Variants in KAZN observed in about 807,000 individuals in gnomAD.
KAZN encodes kazrin.
A neutral mutation model predicts 87.4 loss-of-function variants in KAZN; 40 were observed. That is an observed-to-expected ratio of 0.46 (90% CI 0.36 to 0.60). The LOEUF (loss-of-function observed/expected upper bound fraction) is 0.60, where lower values mean the gene tolerates loss of function less well. KAZN is among the 20% of genes least tolerant of loss of function. The probability of loss-of-function intolerance (pLI) is 0.00; values close to 1 mark genes in which losing one functional copy is unlikely to be tolerated. For missense variants in KAZN, 898 were observed against 1,073.9 expected, an observed-to-expected ratio of 0.84 and a Z score of 2.29; for synonymous variants, 466 against 458.3, an observed-to-expected ratio of 1.02 and a Z score of -0.22.
intron 2 of KAZN, among the ~76,000 whole-genome samples, chr1:15,011,385 C>T (rs564214368): frequency 1.3e-5 from 2 of 152,288 alleles, no homozygotes; most frequent in East Asian, 1.9e-4. Flanking sequence ...ATCCCAGCTC[C>T]GAAGGCACAG....
intron 2 of KAZN, among the ~76,000 whole-genome samples, chr1:14,366,640 C>G (rs747744043): frequency 6.6e-6 from 1 of 152,134 alleles, no homozygotes. Flanking sequence ...TGTGTGCCAG[C>G]GGGAAGAAAC....
At chr1:14,211,822 G>A (rs918843155) in intron 2 of KAZN, among the ~76,000 whole-genome samples, 5 of 151,868 alleles carry the variant, frequency 3.3e-5, no homozygotes, top group African/African-American at 1.2e-4. Flanking sequence ...TTAACCCCAA[G>A]CTTTTTTTTT....
intron 1 of KAZN, among the ~76,000 whole-genome samples, chr1:14,839,360 G>T (rs753214719): frequency 1.3e-5 from 2 of 152,130 alleles, no homozygotes; most frequent in Non-Finnish European, 2.9e-5. Context: ...TCACTGTGAG[G>T]ATTAAGTTAG....
At chr1:14,282,118 A>G (rs1375009603) in intron 2 of KAZN, among the ~76,000 whole-genome samples, 3 of 152,226 alleles carry the variant, frequency 2.0e-5, no homozygotes, top group African/African-American at 4.8e-5. Context: ...AAAGATAAAA[A>G]TATTTGACAT....
chr1:13,966,973 C>T (rs1330706409), intron 1 of KAZN, among the ~76,000 whole-genome samples: 3 of 152,130 alleles, frequency 2.0e-5, no homozygotes, highest in Non-Finnish European at 2.9e-5. Flanking sequence ...TAAATCACTG[C>T]GTTCTACTGT....
intron 1 of KAZN, among the ~76,000 whole-genome samples, chr1:14,059,690 A>G (rs969099781): frequency 2.6e-5 from 4 of 152,208 alleles, no homozygotes; most frequent in African/African-American, 7.2e-5. Context: ...TAACCATCAC[A>G]TCTAGATATT....
chr1:14,671,144 A>T (rs922626418), intron 1 of KAZN, among the ~76,000 whole-genome samples: 11 of 152,210 alleles, frequency 7.2e-5, no homozygotes, highest in African/African-American at 2.4e-4. Flanking sequence ...AGGAGGGGGT[A>T]CTTAAATGAG....
In KAZN at chr1:13,920,962, G is replaced by A. The variant is rs1570281054; in HGVS notation, c.91+27206G>A. Among the ~76,000 whole-genome samples the A allele has an allele frequency of 4.6e-5, 7 of 152,232 alleles. No homozygotes were observed. The South Asian group carries it at 1.5e-3, about 32-fold the overall frequency. On this transcript the variant is annotated intron_variant, in intron 1 of 16. Coordinates refer to the KAZN transcript ENST00000636203. ...TCACTTGTCAGATGTACAGCTCAGA[G>A]GAATGTGCACATAGCATCTGGAAAG...
At chr1:14,436,118 A>G (rs1205680590) in intron 2 of KAZN, among the ~76,000 whole-genome samples, 1 of 152,084 alleles carries the variant, frequency 6.6e-6, no homozygotes, top group Non-Finnish European at 1.5e-5. Flanking sequence ...AATCCCAGCT[A>G]CTTGGGAGGC....
At chr1:14,086,185 T>TTTTGG (rs963046987) in intron 1 of KAZN, among the ~76,000 whole-genome samples, 7 of 140,052 alleles carry the variant, frequency 5.0e-5, no homozygotes, top group Non-Finnish European at 1.6e-5. Flanking sequence ...AAATATTTTA[T>TTTTGG]TTTGGTTTGG....
At chr1:14,230,577 G>A (rs1461521696) in intron 2 of KAZN, among the ~76,000 whole-genome samples, 1 of 152,106 alleles carries the variant, frequency 6.6e-6, no homozygotes, top group Non-Finnish European at 1.5e-5. Context: ...TTCCTCTATA[G>A]CTTGTTGGAA....
intron 4 of KAZN, among the ~76,000 whole-genome samples, chr1:15,055,026 G>T (rs758353555): frequency 1.8e-4 from 27 of 152,146 alleles, no homozygotes; most frequent in Non-Finnish European, 3.4e-4. Context: ...TCTGCAGAAG[G>T]TGCACATGGC....
At chr1:15,101,479 C>A in intron 10 of KAZN, 64 bp from the exon 11 acceptor site, 2 of 1,116,886 alleles carry the variant, frequency 1.8e-6, no homozygotes, top group Non-Finnish European at 2.6e-6. Flanking sequence ...CCCATTTCTG[C>A]CCGTCCGTCT....
intron 1 of KAZN, among the ~76,000 whole-genome samples, chr1:14,165,065 T>A (rs950274634): frequency 6.6e-6 from 1 of 152,194 alleles, no homozygotes; most frequent in Non-Finnish European, 1.5e-5. Flanking sequence ...AAATTTTCTA[T>A]CTCGATGACA....
At chr1:15,048,741 A>C (rs564454446) in intron 4 of KAZN, among the ~76,000 whole-genome samples, 1 of 97,580 alleles carries the variant, frequency 1.0e-5, no homozygotes, top group Admixed American at 1.0e-4. Context: ...TGGGTCGTCG[A>C]TCCTGGGTCG....
chr1:14,236,330 A>C (rs1397088921), intron 2 of KAZN, among the ~76,000 whole-genome samples: 4 of 152,170 alleles, frequency 2.6e-5, no homozygotes, highest in Non-Finnish European at 4.4e-5. Flanking sequence ...CTGAGATGGA[A>C]GGGAGGGTTT....
chr1:14,585,713 A>G (rs1675813021), intron 2 of KAZN, among the ~76,000 whole-genome samples: 1 of 152,224 alleles, frequency 6.6e-6, no homozygotes, highest in Non-Finnish European at 1.5e-5. Flanking sequence ...GGAAGGAGTG[A>G]GGAATGACAA....
At chr1:14,720,442 T>A (rs1187740685) in intron 1 of KAZN, among the ~76,000 whole-genome samples, 1 of 152,178 alleles carries the variant, frequency 6.6e-6, no homozygotes, top group Non-Finnish European at 1.5e-5. Flanking sequence ...CCCAAAAGGT[T>A]CTTGTCTCCT....
At chr1:15,101,379 A>T (rs1208886546) in intron 10 of KAZN, among the ~76,000 whole-genome samples, 164 bp from the exon 11 acceptor site, 10 of 139,686 alleles carry the variant, frequency 7.2e-5, no homozygotes, top group Admixed American at 6.4e-4. Context: ...TTTCCTCTTG[A>T]TCTCTCGGCT....
Sources: gnomAD v4.1 joint callset for allele counts (sites outside exome capture counted in the v4.1 genomes callset) on GRCh38, gnomAD v4.1.1 for gene constraint, MANE v1.5 for transcripts, NCBI Gene and HGNC (gene_info 2026-07-23, HGNC 2026-07-21) for gene names.